The following MAPK8 variants were observed in gnomAD, a reference collection of about 807,000 sequenced individuals.
MAPK8 encodes the protein JUN N-terminal kinase.
In MAPK8, 13 loss-of-function variants were observed where a neutral mutation model predicts 52.9. That is an observed-to-expected ratio of 0.25 (90% CI 0.16 to 0.39). The LOEUF is 0.39. Among genes scored for constraint, MAPK8 ranks in the 10% least tolerant of loss-of-function variants. The pLI is 1.00. For missense variants in MAPK8, 300 were observed against 519.2 expected, an observed-to-expected ratio of 0.58 and a Z score of 4.10; for synonymous variants, 191 against 169.8, an observed-to-expected ratio of 1.12 and a Z score of -0.97.
At chr10:48,404,441 C>T (rs187329609) in intron 2 of MAPK8, among the ~76,000 whole-genome samples, 8 of 152,308 alleles carry the variant, frequency 5.3e-5, no homozygotes, top group Admixed American at 5.2e-4. Context: ...CAGGCGTGAG[C>T]CACTGCACCC....
rs536508419 is a variant in MAPK8 at position 48,404,837 on chromosome 10, A to T, written c.123-15A>T. Reference sequence around the variant, plus strand: ...CTTGAAGTTTTTTTGTGTGTTTTTGAATTTCTTATTACAGCGCAGCTTATG... The same window carrying T: ...CTTGAAGTTTTTTTGTGTGTTTTTGTATTTCTTATTACAGCGCAGCTTATG... On this transcript the variant is annotated splice_polypyrimidine_tract_variant and intron_variant, in intron 2 of 11. Coordinates refer to ENST00000374189, the MANE Select transcript of MAPK8 (RefSeq NM_001323329.2). 2.5e-6 allele frequency: 4 copies of T among 1,579,522 alleles called. No homozygotes were observed. The Admixed American group carries it at 7.7e-5, about 30-fold the overall frequency.
At chr10:48,320,656 T>C (rs1471106015) in intron 1 of MAPK8, among the ~76,000 whole-genome samples, 1 of 152,204 alleles carries the variant, frequency 6.6e-6, no homozygotes, top group African/African-American at 2.4e-5. Context: ...TAGTAAGTAA[T>C]ATAGTACACA....
chr10:48,348,213 T>C (rs776538992), intron 1 of MAPK8, among the ~76,000 whole-genome samples: 1 of 152,266 alleles, frequency 6.6e-6, no homozygotes, highest in Non-Finnish European at 1.5e-5. Context: ...TCTGTTCATA[T>C]GTTTCACCCA....
At chr10:48,405,147 C>T (rs1214769656) in intron 3 of MAPK8, among the ~76,000 whole-genome samples, 166 bp downstream of exon 3, 2 of 150,214 alleles carry the variant, frequency 1.3e-5, no homozygotes, top group Non-Finnish European at 3.0e-5. Context: ...TGATTTTCCT[C>T]AACTTTATTA....
chr10:48,369,581 G>A (rs754019061), intron 1 of MAPK8, among the ~76,000 whole-genome samples: 16 of 152,112 alleles, frequency 1.1e-4, no homozygotes, highest in Non-Finnish European at 2.4e-4. Flanking sequence ...ATTCTTTAGT[G>A]TTAAGTGATA....
chr10:48,352,850 CTGT>C (rs1209865293), intron 1 of MAPK8, among the ~76,000 whole-genome samples: 1 of 152,162 alleles, frequency 6.6e-6, no homozygotes, highest in Non-Finnish European at 1.5e-5. Flanking sequence ...ACGTGATCAT[CTGT>C]TTAGAAAATC....
At chr10:48,314,594 A>G (rs1302665184) in intron 1 of MAPK8, among the ~76,000 whole-genome samples, 2 of 152,124 alleles carry the variant, frequency 1.3e-5, no homozygotes, top group East Asian at 3.9e-4. Context: ...GTGCATTTGT[A>G]ATTTTATGTA....
intron 5 of MAPK8, among the ~76,000 whole-genome samples, chr10:48,415,774 A>G (rs934581809): frequency 6.6e-6 from 1 of 152,192 alleles, no homozygotes; most frequent in African/African-American, 2.4e-5. Context: ...TTATACATGA[A>G]GTAGGGTTGC....
intron 1 of MAPK8, among the ~76,000 whole-genome samples, chr10:48,391,100 A>G (rs1193183833): frequency 6.6e-6 from 1 of 152,204 alleles, no homozygotes; most frequent in Non-Finnish European, 1.5e-5. Context: ...GGAAAGGGAA[A>G]TGAACAAATG....
intron 1 of MAPK8, among the ~76,000 whole-genome samples, chr10:48,377,140 G>T (rs2040716337): frequency 6.6e-6 from 1 of 151,774 alleles, no homozygotes; most frequent in African/African-American, 2.4e-5. Context: ...ACCGCATGTT[G>T]CCACTTCTAA....
intron 1 of MAPK8, among the ~76,000 whole-genome samples, chr10:48,338,151 G>C (rs1261174138): frequency 6.7e-6 from 1 of 148,702 alleles, no homozygotes; most frequent in Non-Finnish European, 1.5e-5. Context: ...ACAACAAAAA[G>C]AAAAACAGAA....
At chr10:48,309,067 G>A (rs559820393) in intron 1 of MAPK8, among the ~76,000 whole-genome samples, 1 of 152,256 alleles carries the variant, frequency 6.6e-6, no homozygotes, top group East Asian at 1.9e-4. Flanking sequence ...ACCTAGTTAG[G>A]GTATGTCAGA....
chr10:48,426,808 A>G (rs932031169), intron 9 of MAPK8: 42 of 480,474 alleles, frequency 8.7e-5, no homozygotes, highest in South Asian at 8.6e-4. Flanking sequence ...ACTGTATCCA[A>G]AGGAAAACAG....
At chr10:48,381,077 A>G (rs1332786325) in intron 1 of MAPK8, among the ~76,000 whole-genome samples, 1 of 152,162 alleles carries the variant, frequency 6.6e-6, no homozygotes, top group East Asian at 1.9e-4. Context: ...ATCTCCTGTT[A>G]ACACTACCTG....
At position 48,323,715 on chromosome 10, in the gene MAPK8, A is replaced by G. The variant is rs557294563; in HGVS notation, c.-50+16894A>G. ...ATCATTATAATTGAGGAAAAATGGT[A>G]TATCTTTAATAGCCCCTTCTTCTCT... On this transcript the variant is annotated intron_variant, in intron 1 of 11. Transcript: ENST00000374189. 3.9e-5 allele frequency among the ~76,000 whole-genome samples: 6 copies of G among 152,336 alleles called. No homozygotes were observed. In the South Asian group the frequency reaches 1.2e-3, roughly 32 times the overall value.
At chr10:48,423,882 A>C (rs1264157698) in intron 6 of MAPK8, among the ~76,000 whole-genome samples, 1 of 152,230 alleles carries the variant, frequency 6.6e-6, no homozygotes, top group Non-Finnish European at 1.5e-5. Context: ...ATATGTAGTT[A>C]AAATGCCACA....
chr10:48,380,771 CAAGAT>C (rs1184632680), intron 1 of MAPK8, among the ~76,000 whole-genome samples: 2 of 152,058 alleles, frequency 1.3e-5, no homozygotes, highest in African/African-American at 4.8e-5. Context: ...AAACAGATAT[CAAGAT>C]AAGAAAGGTT....
chr10:48,417,544 G>A (rs982345502), intron 5 of MAPK8, among the ~76,000 whole-genome samples: 3 of 152,192 alleles, frequency 2.0e-5, no homozygotes, highest in Admixed American at 6.5e-5. Flanking sequence ...CAAACTGTGG[G>A]TCAAGTTCAG....
intron 1 of MAPK8, among the ~76,000 whole-genome samples, chr10:48,398,694 A>G (rs902015334): frequency 6.6e-6 from 1 of 152,262 alleles, no homozygotes; most frequent in African/African-American, 2.4e-5. Context: ...AATGAAATTT[A>G]TTCCCTAGTA....
Sources: allele counts gnomAD v4.1 joint callset (sites outside exome capture counted in the v4.1 genomes callset), GRCh38; gene constraint gnomAD v4.1.1; transcripts MANE v1.5; gene names NCBI Gene and HGNC (gene_info 2026-07-23, HGNC 2026-07-21).